Variants in OR2L13 observed in about 807,000 individuals in gnomAD.
OR2L13 encodes the protein olfactory receptor family 2 subfamily L member 13.
In OR2L13, 14 loss-of-function variants were observed where a neutral mutation model predicts 15.3. The observed-to-expected ratio is 0.91, with a 90% confidence interval of 0.60 to 1.43. The LOEUF is 1.43. Among genes scored for constraint, OR2L13 ranks in the 40% most tolerant of loss-of-function variants. The pLI, the probability that OR2L13 is intolerant of heterozygous loss-of-function variation, is 0.00. For missense variants in OR2L13, 367 were observed against 387.9 expected, an observed-to-expected ratio of 0.95 and a Z score of 0.45; for synonymous variants, 152 against 142.9, an observed-to-expected ratio of 1.06 and a Z score of -0.45.
chr1:248,080,362 G>A, the OR2L13 span, among the ~76,000 whole-genome samples: 13,677 of 151,986 alleles, frequency 0.09, 828 homozygotes, highest in African/African-American at 0.17. Flanking sequence ...ACGTGACATG[G>A]TGGTTTGCTG....
the OR2L13 span, among the ~76,000 whole-genome samples, chr1:247,959,927 C>T: frequency 2.6e-5 from 2 of 76,350 alleles, no homozygotes; most frequent in Non-Finnish European, 7.4e-5. Flanking sequence ...CATCTGAAGC[C>T]TTCTTCTCTC....
chr1:247,949,733 G>C, the OR2L13 span: 4 of 1,613,762 alleles, frequency 2.5e-6, no homozygotes, highest in Non-Finnish European at 3.4e-6. Context: ...ATAGCCTGAG[G>C]AACAAGGAGG....
the OR2L13 span, among the ~76,000 whole-genome samples, chr1:248,046,248 A>C: frequency 6.6e-6 from 1 of 152,198 alleles, no homozygotes; most frequent in Admixed American, 6.5e-5. Flanking sequence ...CAATTTGAAC[A>C]TGTTTAATAC....
At chr1:248,004,995 C>T in the OR2L13 span, among the ~76,000 whole-genome samples, 5 of 152,140 alleles carry the variant, frequency 3.3e-5, no homozygotes, top group East Asian at 9.7e-4. Flanking sequence ...AGAGAATAGA[C>T]TGATGGTCAC....
the OR2L13 span, chr1:247,974,931 C>T: frequency 3.7e-5 from 10 of 267,528 alleles, no homozygotes; most frequent in South Asian, 5.9e-5. Flanking sequence ...CTTACTTAGT[C>T]GGCTCTACCT....
the OR2L13 span, among the ~76,000 whole-genome samples, chr1:247,972,363 C>T: frequency 1.6e-4 from 5 of 30,748 alleles, no homozygotes; most frequent in Non-Finnish European, 6.2e-4. Flanking sequence ...ACAAAATAGA[C>T]AACTAGCGAC....
At chr1:248,026,025 C>T in the OR2L13 span, among the ~76,000 whole-genome samples, 1 of 151,918 alleles carries the variant, frequency 6.6e-6, no homozygotes, top group East Asian at 1.9e-4. Context: ...GTGCAGCACA[C>T]CAGCATAGCA....
the OR2L13 span, among the ~76,000 whole-genome samples, chr1:247,988,074 A>G: frequency 2.6e-5 from 4 of 152,050 alleles, 1 homozygote; most frequent in Non-Finnish European, 5.9e-5. Context: ...CTAGGAAAAT[A>G]TTTCTCACTT....
the OR2L13 span, chr1:247,965,642 G>C: frequency 6.4e-7 from 1 of 1,550,996 alleles, no homozygotes; most frequent in Non-Finnish European, 8.7e-7. Context: ...CTCTCACAGA[G>C]TAAGACCATT....
intron 1 of OR2L13, among the ~76,000 whole-genome samples, chr1:248,098,298 C>G (rs556360172): frequency 4.6e-5 from 7 of 152,322 alleles, no homozygotes; most frequent in Admixed American, 1.3e-4. Flanking sequence ...GCAGCACTGT[C>G]ATAAAACATA....
the OR2L13 span, among the ~76,000 whole-genome samples, chr1:248,019,485 T>A: frequency 6.6e-6 from 1 of 152,326 alleles, no homozygotes; most frequent in Non-Finnish European, 1.5e-5. Context: ...GCACTGACTA[T>A]ACTTTTATGG....
the OR2L13 span, among the ~76,000 whole-genome samples, chr1:247,979,484 C>G: frequency 6.6e-6 from 1 of 152,184 alleles, no homozygotes; most frequent in East Asian, 1.9e-4. Flanking sequence ...CTGCAAAGGA[C>G]ATGAACTCAT....
chr1:248,074,394 A>AG, the OR2L13 span, among the ~76,000 whole-genome samples: 1 of 152,062 alleles, frequency 6.6e-6, no homozygotes, highest in Non-Finnish European at 1.5e-5. Context: ...TAAAAAAAAA[A>AG]AAAGTCAAAT....
chr1:248,071,869 C>G, the OR2L13 span, among the ~76,000 whole-genome samples: 2 of 151,198 alleles, frequency 1.3e-5, no homozygotes, highest in African/African-American at 4.9e-5. Flanking sequence ...AGTGAACTCC[C>G]ATTCACAATT....
At chr1:248,067,028 G>A in the OR2L13 span, among the ~76,000 whole-genome samples, 3 of 152,224 alleles carry the variant, frequency 2.0e-5, no homozygotes, top group African/African-American at 7.2e-5. Context: ...TAATGTCAGG[G>A]AGCAGTCATT....
chr1:247,991,128 C>G, the OR2L13 span: 1 of 1,606,392 alleles, frequency 6.2e-7, no homozygotes, highest in Non-Finnish European at 8.5e-7. Flanking sequence ...TCAACCCCAT[C>G]ATCTACAGCC....
the OR2L13 span, among the ~76,000 whole-genome samples, chr1:247,962,319 A>G: frequency 2.0e-5 from 3 of 152,186 alleles, no homozygotes; most frequent in Admixed American, 6.5e-5. Context: ...GATGCTAACT[A>G]CTGATTCAGT....
chr1:247,951,910 G>A, the OR2L13 span, among the ~76,000 whole-genome samples: 1 of 152,244 alleles, frequency 6.6e-6, no homozygotes, highest in African/African-American at 2.4e-5. Context: ...TATGAGCCCA[G>A]GCATACCCCA....
upstream of OR2L13, among the ~76,000 whole-genome samples, chr1:248,096,179 C>T (rs1182511252): frequency 1.3e-5 from 2 of 151,736 alleles, no homozygotes; most frequent in Non-Finnish European, 2.9e-5. Context: ...GAGATCGAGA[C>T]CATCCTGGCT....
Sources: allele counts gnomAD v4.1 joint callset (sites outside exome capture counted in the v4.1 genomes callset), GRCh38; gene constraint gnomAD v4.1.1; transcripts MANE v1.5; gene names NCBI Gene and HGNC (gene_info 2026-07-23, HGNC 2026-07-21).